The following IQCH variants were observed in gnomAD, a reference collection of about 807,000 sequenced individuals.
IQCH encodes IQ domain-containing protein H.
IQCH carries 98 observed loss-of-function variants against 117.0 expected under a neutral mutation model. That is an observed-to-expected ratio of 0.84 (90% CI 0.71 to 0.99). IQCH has a LOEUF of 0.99. Ranked by LOEUF, IQCH falls within the 50% of genes least tolerant of loss-of-function variation. IQCH has a pLI of 0.00. For missense variants in IQCH, 1,102 were observed against 1,243.8 expected (o/e 0.89, Z 1.72); for synonymous variants, 412 against 448.2 (o/e 0.92, Z 1.02).
At chr15:67,336,438 T>C (rs201338484) in intron 4 of IQCH, among the ~76,000 whole-genome samples, 1 of 152,238 alleles carries the variant, frequency 6.6e-6, no homozygotes, top group East Asian at 1.9e-4. Context: ...AAGCATTTTA[T>C]GACTTTAGGA....
chr15:67,323,689 T>C (rs1968255165), intron 4 of IQCH, among the ~76,000 whole-genome samples: 1 of 152,178 alleles, frequency 6.6e-6, no homozygotes, highest in South Asian at 2.1e-4. Flanking sequence ...GGAGTTAATA[T>C]TGCACCAGTT....
At chr15:67,371,699 C>T (rs537490186) in intron 8 of IQCH, among the ~76,000 whole-genome samples, 118 of 152,318 alleles carry the variant, frequency 7.7e-4, no homozygotes, top group Middle Eastern at 3.4e-3. Flanking sequence ...AGAAAGGCTT[C>T]GCCCTGTTTT....
chr15:67,271,399 G>A (rs1965894321), intron 3 of IQCH, among the ~76,000 whole-genome samples: 1 of 152,192 alleles, frequency 6.6e-6, no homozygotes, highest in Non-Finnish European at 1.5e-5. Context: ...TCCTCATCTG[G>A]TTTTGGTATC....
At chr15:67,360,041 G>GAAAA in intron 8 of IQCH, 156 bp downstream of exon 8, 3 of 455,000 alleles carry the variant, frequency 6.6e-6, no homozygotes, top group Non-Finnish European at 7.8e-6. Context: ...ATGGTTTCAG[G>GAAAA]AAAAAAAAAA....
At chr15:67,439,267 T>G (rs925444718) in intron 16 of IQCH, among the ~76,000 whole-genome samples, 6 of 152,084 alleles carry the variant, frequency 3.9e-5, no homozygotes, top group East Asian at 1.9e-4. Flanking sequence ...TGCAAAACCA[T>G]GCAAATACAT....
At chr15:67,449,408 A>G (rs543960233) in intron 16 of IQCH, among the ~76,000 whole-genome samples, 204 of 152,064 alleles carry the variant, frequency 1.3e-3, no homozygotes, top group African/African-American at 4.7e-3. Context: ...TGTATAAGGT[A>G]TAAGGAAGGG....
At chr15:67,358,783 C>G (rs1441576860) in intron 7 of IQCH, among the ~76,000 whole-genome samples, 1 of 152,228 alleles carries the variant, frequency 6.6e-6, no homozygotes, top group Non-Finnish European at 1.5e-5. Context: ...CCTACTGCCT[C>G]TCCATAGTAG....
chr15:67,474,067 AGTGTGTGTGTGT>A lies in IQCH; in HGVS notation c.2677-1603_2677-1592del, dbSNP rs36050088. Among the ~76,000 whole-genome samples, 89 of 138,316 alleles carry A rather than the reference AGTGTGTGTGTGT, an allele frequency of 6.4e-4. 1 individual carries two copies. The South Asian group carries it at 0.01, about 16-fold the overall frequency. 90.7% of individuals were successfully genotyped at this position (138,316 alleles called of 152,430 possible). A position where few individuals can be genotyped will look rare whatever the true frequency, so the allele number is the denominator to read the frequency against. On this transcript the variant is annotated intron_variant, in intron 17 of 20. Transcript: ENST00000335894. This position sits in a 1 kb window ranked among gnomAD's most constrained non-coding sequence, Gnocchi z 4.1. ...GTCACCAAAAGTGCCACGAAATCTG[AGTGTGTGTGTGT>A]GTGTGTGTGTGTGTGTGTGTGTGTG... is the stretch of plus-strand genomic sequence containing the variant.
chr15:67,481,916 G>A lies in IQCH; in HGVS notation c.2799+6098G>A, dbSNP rs1277504959. 2.6e-5 allele frequency among the ~76,000 whole-genome samples: 4 copies of A among 152,180 alleles called. No individual in the cohort carries two copies. In the South Asian group the frequency reaches 8.3e-4, roughly 32 times the overall value. The stretch of plus-strand genomic sequence containing the variant: ...TGGGCCCTCAACTATCTACAGGCAG[G>A]AAGTGGGTGAGAAAGTTTTAAAATT... On this transcript the variant is annotated intron_variant, in intron 18 of 20. Coordinates refer to ENST00000335894, the MANE Select transcript of IQCH (RefSeq NM_001031715.3). The surrounding 1 kb of genome is among the most constrained non-coding windows in gnomAD (Gnocchi z 4.1).
intron 18 of IQCH, among the ~76,000 whole-genome samples, chr15:67,487,621 C>T (rs1160611010): frequency 6.6e-6 from 1 of 152,058 alleles, no homozygotes; most frequent in South Asian, 2.1e-4. Flanking sequence ...CATGGCCCTA[C>T]GCCCATGGCC....
chr15:67,302,823 C>T lies in IQCH; in HGVS notation c.387+23311C>T, dbSNP rs531900562. On this transcript the variant is annotated intron_variant, in intron 4 of 20. Coordinates refer to ENST00000335894, the MANE Select transcript of IQCH (RefSeq NM_001031715.3). ...AGTGAACCGAGATTGTGTCACTGCA[C>T]TCCAGCCTGGGTGACAGAGCGAGAC... Among the ~76,000 whole-genome samples, 4 of 152,306 alleles carry T rather than the reference C, an allele frequency of 2.6e-5. No homozygotes were observed. In the East Asian group the frequency reaches 7.7e-4, roughly 29 times the overall value.
At position 67,381,801 on chromosome 15, in the gene IQCH, C is replaced by T. The variant is rs902062556; in HGVS notation, c.1373-3135C>T. Reference sequence around the variant, plus strand: ...TTTGAGATCAGCCTGGGCAACATGGCGAAACCCTGGCTCTACAAAAATTAC... The same window carrying T: ...TTTGAGATCAGCCTGGGCAACATGGTGAAACCCTGGCTCTACAAAAATTAC... On this transcript the variant is annotated intron_variant, in intron 10 of 20. Transcript: ENST00000335894. This position sits in a 1 kb window ranked among gnomAD's most constrained non-coding sequence, Gnocchi z 5.1. Among the ~76,000 whole-genome samples, 4 of 151,654 alleles carry T rather than the reference C, an allele frequency of 2.6e-5. No individual in the cohort carries two copies. The highest frequency in any genetic ancestry group is 4.9e-5 in the African/African-American group (2 of 41,232).
In IQCH at chr15:67,264,943, A is replaced by G. The variant is rs146112803; in HGVS notation, c.269+1727A>G. 6.8e-4 allele frequency among the ~76,000 whole-genome samples: 104 copies of G among 152,172 alleles called. 4 individuals are homozygous for G. The East Asian group carries it at 0.012, about 18-fold the overall frequency. On this transcript the variant is annotated intron_variant, in intron 3 of 20. Coordinates refer to ENST00000335894, the MANE Select transcript of IQCH (RefSeq NM_001031715.3). ...TACCAAGGCAAAGTTCAGTGCCTAT[A>G]TAGTTGGCAGCCAAGAGGCCTATAG...
At chr15:67,349,110 C>G (rs1253440302) in intron 6 of IQCH, among the ~76,000 whole-genome samples, 1 of 152,032 alleles carries the variant, frequency 6.6e-6, no homozygotes, top group Non-Finnish European at 1.5e-5. Flanking sequence ...AAAAATTAAC[C>G]CAAAATGGTT....
In IQCH at chr15:67,385,209, T is replaced by C. The variant is rs947489857; in HGVS notation, c.1456+190T>C. Among the ~76,000 whole-genome samples, 1 of 152,196 alleles carries C rather than the reference T, an allele frequency of 6.6e-6. No homozygotes were observed. Among genetic ancestry groups the C allele is most frequent in the Non-Finnish European group, 1.5e-5 (1 of 68,040 alleles). ...AAAACATATTTGTAGTAAAATCAAC[T>C]TGAATAAAAAATGACATTTTAACCA... On this transcript the variant is annotated intron_variant, in intron 11 of 20. Transcript: ENST00000335894. This position sits in a 1 kb window ranked among gnomAD's most constrained non-coding sequence, Gnocchi z 4.6.
intron 16 of IQCH, among the ~76,000 whole-genome samples, chr15:67,429,822 A>T (rs1489654257): frequency 6.6e-6 from 1 of 152,354 alleles, no homozygotes; most frequent in East Asian, 1.9e-4. Flanking sequence ...CCTCAAGGAC[A>T]GTCCCACAAT....
rs1439126218 is a variant in IQCH, at chr15:67,391,451, T to C, written c.1632+2445T>C. On this transcript the variant is annotated intron_variant, in intron 12 of 20. Transcript: ENST00000335894. The surrounding 1 kb of genome is among the most constrained non-coding windows in gnomAD (Gnocchi z 4.3). ...TTAAAGCATGCCAAAAATCTGTTTG[T>C]ACATCTCTCCAAGTTACTATATGAT... 6.6e-6 allele frequency among the ~76,000 whole-genome samples: 1 copy of C among 152,194 alleles called. No individual in the cohort carries two copies. The highest frequency in any genetic ancestry group is 1.5e-5 in the Non-Finnish European group (1 of 68,030).
chr15:67,317,648 G>C (rs978830036), intron 4 of IQCH, among the ~76,000 whole-genome samples: 2 of 152,060 alleles, frequency 1.3e-5, no homozygotes, highest in South Asian at 4.1e-4. Flanking sequence ...TTTTCCTCTT[G>C]TTAGATCTCC....
In IQCH at chr15:67,359,247, A is replaced by G. The variant is rs1970035289; in HGVS notation, c.715-600A>G. Among the ~76,000 whole-genome samples the G allele has an allele frequency of 6.6e-6, 1 of 152,234 alleles. No individual in the cohort carries two copies. The highest frequency in any genetic ancestry group is 6.5e-5 in the Admixed American group (1 of 15,286). ...CAGTAAATGGTTTACCACGAAAAAAATAGTTTTAAATAATGACATATTTTC... is the reference window on the plus strand; with the variant it reads ...CAGTAAATGGTTTACCACGAAAAAAGTAGTTTTAAATAATGACATATTTTC... On this transcript the variant is annotated intron_variant, in intron 7 of 20. Coordinates refer to ENST00000335894, the MANE Select transcript of IQCH (RefSeq NM_001031715.3). The surrounding 1 kb of genome is among the most constrained non-coding windows in gnomAD (Gnocchi z 4.5).
Sources: allele counts gnomAD v4.1 joint callset (sites outside exome capture counted in the v4.1 genomes callset), GRCh38; gene constraint gnomAD v4.1.1; non-coding constraint Gnocchi (gnomAD v3.1); transcripts MANE v1.5; gene names NCBI Gene and HGNC (gene_info 2026-07-23, HGNC 2026-07-21).